The following TSHR variants were observed in gnomAD, a reference collection of about 807,000 sequenced individuals.
The protein encoded by TSHR is thyrotropin receptor.
TSHR carries 51 observed loss-of-function variants against 64.1 expected under a neutral mutation model. That is an observed-to-expected ratio of 0.80 (90% CI 0.64 to 1.01). The LOEUF (loss-of-function observed/expected upper bound fraction) is 1.01. TSHR is among the 50% of genes least tolerant of loss of function. The pLI, the probability that TSHR is intolerant of heterozygous loss-of-function variation, is 0.00. For missense variants in TSHR, 877 were observed against 942.8 expected, an observed-to-expected ratio of 0.93 and a Z score of 0.91; for synonymous variants, 361 against 361.9, an observed-to-expected ratio of 1.00 and a Z score of 0.03.
chr14:81,022,263 C>A (rs1352456602), intron 1 of TSHR, among the ~76,000 whole-genome samples: 1 of 151,832 alleles, frequency 6.6e-6, no homozygotes, highest in Non-Finnish European at 1.5e-5. Context: ...GAGCGAGACT[C>A]CGTCTCAAAA....
At chr14:81,111,973 G>A (rs1008120420) in intron 8 of TSHR, among the ~76,000 whole-genome samples, 3 of 152,110 alleles carry the variant, frequency 2.0e-5, no homozygotes, top group Non-Finnish European at 4.4e-5. Context: ...TAAACTACCT[G>A]CTTGTACTGC....
At chr14:81,017,100 T>TGCAA (rs1883451786) in intron 1 of TSHR, among the ~76,000 whole-genome samples, 1 of 152,194 alleles carries the variant, frequency 6.6e-6, no homozygotes, top group South Asian at 2.1e-4. Context: ...TTTTTTGCAT[T>TGCAA]TTTGCAATCA....
At chr14:81,128,962 G>A (rs184466423) in intron 8 of TSHR, among the ~76,000 whole-genome samples, 18 of 152,106 alleles carry the variant, frequency 1.2e-4, no homozygotes, top group East Asian at 5.8e-4. Context: ...GATATGCTCC[G>A]AGACCCACAG....
intron 8 of TSHR, among the ~76,000 whole-genome samples, chr14:81,125,748 G>T (rs2140074939): frequency 6.6e-6 from 1 of 152,184 alleles, no homozygotes; most frequent in Admixed American, 6.5e-5. Flanking sequence ...ACTGTGAAAT[G>T]AGTTGCAAAC....
At chr14:81,015,157 A>G (rs1358882916) in intron 1 of TSHR, among the ~76,000 whole-genome samples, 1 of 152,188 alleles carries the variant, frequency 6.6e-6, no homozygotes, top group Admixed American at 6.6e-5. Context: ...CAAACAACCA[A>G]AATCCTTTTG....
chr14:81,039,215 A>G (rs1209384641), intron 1 of TSHR, among the ~76,000 whole-genome samples: 4 of 152,048 alleles, frequency 2.6e-5, no homozygotes, highest in Admixed American at 6.6e-5. Context: ...ATACAAATCA[A>G]TAAGCATCAT....
intron 8 of TSHR, among the ~76,000 whole-genome samples, chr14:81,115,361 G>A (rs1890449537): frequency 6.7e-6 from 1 of 148,458 alleles, no homozygotes; most frequent in Non-Finnish European, 1.5e-5. Context: ...GAAGACCAAG[G>A]CTCGAGAACT....
intron 1 of TSHR, among the ~76,000 whole-genome samples, chr14:81,017,846 T>TC (rs1355335081): frequency 6.6e-6 from 1 of 151,430 alleles, no homozygotes; most frequent in African/African-American, 2.4e-5. Context: ...TTTTTTTTTT[T>TC]TGAAATGGAG....
chr14:80,983,891 T>C (rs543887931), intron 1 of TSHR, among the ~76,000 whole-genome samples: 2 of 152,362 alleles, frequency 1.3e-5, no homozygotes, highest in South Asian at 4.1e-4. Flanking sequence ...TTACATTTTA[T>C]TTAAGAAAGC....
chr14:80,990,310 A>G (rs1888662094), intron 1 of TSHR, among the ~76,000 whole-genome samples: 1 of 152,222 alleles, frequency 6.6e-6, no homozygotes, highest in Non-Finnish European at 1.5e-5. Context: ...GCCAGGCTGT[A>G]TGGACCTATG....
intron 1 of TSHR, among the ~76,000 whole-genome samples, chr14:80,970,735 CA>C (rs1235725920): frequency 6.6e-6 from 1 of 152,184 alleles, no homozygotes; most frequent in African/African-American, 2.4e-5. Flanking sequence ...ACACTGCTGC[CA>C]AAAGCCAAGA....
chr14:81,011,194 C>T (rs1231869719), intron 1 of TSHR, among the ~76,000 whole-genome samples: 1 of 149,216 alleles, frequency 6.7e-6, no homozygotes, highest in Admixed American at 6.9e-5. Context: ...TTTCTTTTTC[C>T]TTCCCTTCCT....
intron 1 of TSHR, among the ~76,000 whole-genome samples, chr14:80,967,720 T>C (rs1887393233): frequency 6.6e-6 from 1 of 152,170 alleles, no homozygotes; most frequent in Admixed American, 6.5e-5. Flanking sequence ...TGGAGGTGAA[T>C]CCAACAGGAT....
At chr14:81,053,324 A>T (rs1025945018) in intron 1 of TSHR, 2 of 152,188 alleles carry the variant, frequency 1.3e-5, no homozygotes, top group African/African-American at 4.8e-5. Context: ...TTCAAATGTC[A>T]ATCTCATCCA....
At chr14:80,993,074 G>A (rs1248703251) in intron 1 of TSHR, 1 of 152,178 alleles carries the variant, frequency 6.6e-6, no homozygotes, top group Non-Finnish European at 1.5e-5. Context: ...GGGCTCTGGG[G>A]AAGAGAAAAA....
At chr14:80,980,989 TA>T (rs1299839910) in intron 1 of TSHR, among the ~76,000 whole-genome samples, 1 of 152,226 alleles carries the variant, frequency 6.6e-6, no homozygotes, top group Non-Finnish European at 1.5e-5. Context: ...AATTAGTTTT[TA>T]AAAAAACTTA....
rs572562344 is a variant in TSHR, at chr14:81,098,473, A to G, written c.614+1766A>G. On this transcript the variant is annotated intron_variant, in intron 7 of 9. Coordinates refer to ENST00000298171, the MANE Select transcript of TSHR (RefSeq NM_000369.5). The stretch of plus-strand genomic sequence containing the variant: ...TTTAATATTGTATGAATTTCACCAA[A>G]TATTTTCCTCTTTGATTCAACTATT... Among the ~76,000 whole-genome samples the G allele has an allele frequency of 2.6e-3, 389 of 152,272 alleles. 7 individuals carry two copies. In the Middle Eastern group the frequency reaches 0.027, roughly 11 times the overall value.
chr14:81,084,502 TAAGA>T (rs1010386027), intron 3 of TSHR, among the ~76,000 whole-genome samples: 2 of 152,186 alleles, frequency 1.3e-5, no homozygotes, highest in Non-Finnish European at 2.9e-5. Context: ...TGAATTACTA[TAAGA>T]AATAGACAAA....
At chr14:81,001,942 TAAGACACA>T (rs1226769327) in intron 1 of TSHR, among the ~76,000 whole-genome samples, 1 of 152,150 alleles carries the variant, frequency 6.6e-6, no homozygotes, top group African/African-American at 2.4e-5. Context: ...CCTCCCCTTC[TAAGACACA>T]CTTGGCTATT....
Sources: allele counts gnomAD v4.1 joint callset (sites outside exome capture counted in the v4.1 genomes callset), GRCh38; gene constraint gnomAD v4.1.1; transcripts MANE v1.5; gene names NCBI Gene and HGNC (gene_info 2026-07-23, HGNC 2026-07-21).